Variants in CLPX observed in about 807,000 individuals in gnomAD.
CLPX encodes caseinolytic mitochondrial matrix peptidase chaperone subunit X.
CLPX carries 34 observed loss-of-function variants against 76.4 expected under a neutral mutation model. The observed-to-expected ratio is 0.45, with a 90% CI of 0.34 to 0.59. The LOEUF (loss-of-function observed/expected upper bound fraction) is 0.59, where lower values mean the gene tolerates loss of function less well. Among genes scored for constraint, CLPX ranks in the 20% least tolerant of loss-of-function variants. The pLI, the probability that CLPX is intolerant of heterozygous loss-of-function variation, is 0.01. For synonymous variants in CLPX, 248 were observed against 270.9 expected (o/e 0.92, Z 0.83); for missense variants, 613 against 757.0 (o/e 0.81, Z 2.23).
chr15:65,148,810 GA>G lies in CLPX; in HGVS notation c.*2012del, dbSNP rs1487384398. The G allele has an allele frequency of 2.0e-5, 3 of 150,612 alleles. No homozygotes were observed. The highest frequency in any genetic ancestry group is 4.4e-5 in the Non-Finnish European group (3 of 67,806). The allele number at this position is 150,612 out of a possible 1,614,324, so 9.3% of individuals were successfully genotyped here. ...AATGAGATTAAACTGAATGAATATA[GA>G]ACTTGTACCACCATTATAGAAGGAA... On this transcript the variant is annotated 3_prime_UTR_variant, in exon 14 of 14. Coordinates refer to ENST00000300107, the MANE Select transcript of CLPX (RefSeq NM_006660.5).
chr15:65,185,057 G>T lies in CLPX; in HGVS notation c.79+18C>A. The stretch of plus-strand genomic sequence containing the variant: ...CCCCCGACAGGCTGAGGGCTCAGGA[G>T]TGGCACTATTTCGTTACCTCTCTGC... On this transcript the variant is annotated intron_variant, in intron 1 of 13. Transcript: ENST00000300107. 2 of 1,560,902 alleles carry T rather than the reference G, an allele frequency of 1.3e-6. No homozygotes were observed. The highest frequency in any genetic ancestry group is 8.7e-7 in the Non-Finnish European group (1 of 1,152,026).
chr15:65,151,826 T>G (rs2087724635), intron 13 of CLPX, among the ~76,000 whole-genome samples: 1 of 152,178 alleles, frequency 6.6e-6, no homozygotes, highest in African/African-American at 2.4e-5. Context: ...AAACCTAGCT[T>G]TTGTGTAGGT....
chr15:65,161,499 T>G (rs1425190809), intron 6 of CLPX, among the ~76,000 whole-genome samples: 1 of 152,240 alleles, frequency 6.6e-6, no homozygotes, highest in East Asian at 1.9e-4. Flanking sequence ...TATTTGTTTC[T>G]AAGTCAATCT....
At position 65,185,075 on chromosome 15, in the gene CLPX, C is replaced by T; in HGVS notation, c.79G>A (p.Gly27Ser). The change falls in exon 1 of 14, where the codon GGT becomes AGT. Residue 27 changes from glycine to serine, a missense_variant and splice_region_variant. By Grantham distance (56) the Gly-to-Ser change is moderately conservative. Coordinates refer to ENST00000300107, the MANE Select transcript of CLPX (RefSeq NM_006660.5). Reference sequence around the variant, plus strand: ...CTCAGGAGTGGCACTATTTCGTTACCTCTCTGCGCGGAGGCGAGTGAGGAG... The same window carrying T: ...CTCAGGAGTGGCACTATTTCGTTACTTCTCTGCGCGGAGGCGAGTGAGGAG... ...ITSSLASAQRGISGGRIHMSV... is the reference protein window; with the variant it reads ...ITSSLASAQRSISGGRIHMSV... 6.4e-7 allele frequency: 1 copy of T among 1,574,792 alleles called. No homozygotes were observed. The highest frequency in any genetic ancestry group is 8.6e-7 in the Non-Finnish European group (1 of 1,160,824).
chr15:65,177,764 A>G (rs2088108082), intron 3 of CLPX, among the ~76,000 whole-genome samples: 1 of 152,160 alleles, frequency 6.6e-6, no homozygotes, highest in Non-Finnish European at 1.5e-5. Context: ...TCAGAGAGTT[A>G]CTGACACTAA....
At chr15:65,166,928 C>T (rs1373876705) in intron 3 of CLPX, 143 bp from the exon 4 acceptor site, 7 of 734,268 alleles carry the variant, frequency 9.5e-6, no homozygotes, top group Non-Finnish European at 1.1e-5. Flanking sequence ...CACAAACAGC[C>T]TCATTTATAT....
chr15:65,178,938 A>G lies in CLPX; in HGVS notation c.354T>C (p.Phe118=), dbSNP rs2140648956. 6.4e-7 allele frequency: 1 copy of G among 1,557,814 alleles called. No homozygotes were observed. Among genetic ancestry groups the G allele is most frequent in the Non-Finnish European group, 8.8e-7 (1 of 1,139,444 alleles). The part of the protein sequence containing the change: ...CGDLCTHVET[F]VSSTRFVKCE... ...AGTAGAAGATGTAATACTTACATAC[A>G]AAGGTCTCTACATGTGTGCACAAGT... is the stretch of plus-strand genomic sequence containing the variant. The change falls in exon 3 of 14, where the codon TTT becomes TTC. Residue 118 remains phenylalanine, a synonymous_variant. Transcript: ENST00000300107.
chr15:65,167,309 T>C (rs1030367753), intron 3 of CLPX, among the ~76,000 whole-genome samples: 1 of 152,138 alleles, frequency 6.6e-6, no homozygotes, highest in Non-Finnish European at 1.5e-5. Context: ...CACCTTGTTA[T>C]CTGCCCGTCT....
At chr15:65,155,297 G>A (rs535103569) in intron 10 of CLPX, among the ~76,000 whole-genome samples, 1 of 152,220 alleles carries the variant, frequency 6.6e-6, no homozygotes, top group East Asian at 1.9e-4. Flanking sequence ...TTGAACTCAG[G>A]TCTGTCTGCC....
At chr15:65,177,452 C>T (rs1414484306) in intron 3 of CLPX, among the ~76,000 whole-genome samples, 1 of 152,154 alleles carries the variant, frequency 6.6e-6, no homozygotes, top group Non-Finnish European at 1.5e-5. Flanking sequence ...TACTTTAAGT[C>T]TTTCCAGTAC....
At position 65,164,150 on chromosome 15, in the gene CLPX, T is replaced by A; in HGVS notation, c.552A>T (p.Ser184=). 1 of 1,612,624 alleles carries A rather than the reference T, an allele frequency of 6.2e-7. No homozygotes were observed. The highest frequency in any genetic ancestry group is 1.1e-5 in the South Asian group (1 of 90,726). The change falls in exon 5 of 14, where the codon TCA becomes TCT. Residue 184 remains serine (S), a synonymous_variant. Transcript: ENST00000300107. The part of the protein sequence containing the change: ...NYLDKYVVGQ[S]FAKKVLSVAV... ...CAACTGAAAGCACCTTCTTAGCAAA[T>A]GACTGGCCAACAACATACTTGTCGA... is the stretch of plus-strand genomic sequence containing the variant.
chr15:65,169,963 G>A (rs1034242260), intron 3 of CLPX, among the ~76,000 whole-genome samples: 1 of 151,896 alleles, frequency 6.6e-6, no homozygotes, highest in Admixed American at 6.6e-5. Context: ...GTTTGACCAT[G>A]TTGGTCAGGC....
chr15:65,166,481 C>A, intron 4 of CLPX, 150 bp downstream of exon 4: 1 of 786,460 alleles, frequency 1.3e-6, no homozygotes, highest in South Asian at 1.9e-5. Context: ...TTCCAAAAGG[C>A]AATAACAATT....
chr15:65,153,148 TAA>T (rs749248397), intron 12 of CLPX, among the ~76,000 whole-genome samples: 10 of 137,424 alleles, frequency 7.3e-5, no homozygotes, highest in Non-Finnish European at 6.3e-5. Flanking sequence ...CTACTGTGAC[TAA>T]AAAAAAAAAA....
At chr15:65,155,180 A>G (rs1380636906) in intron 10 of CLPX, 99 bp from the exon 11 acceptor site, 2 of 1,038,024 alleles carry the variant, frequency 1.9e-6, no homozygotes, top group Non-Finnish European at 2.8e-6. Context: ...TAACAACTCT[A>G]TGAAGAAGGT....
At chr15:65,155,546 T>A in intron 10 of CLPX, 146 bp downstream of exon 10, 1 of 695,014 alleles carries the variant, frequency 1.4e-6, no homozygotes, top group Non-Finnish European at 2.4e-6. Context: ...ACCGCACCCT[T>A]CCCTGTATAT....
intron 4 of CLPX, 133 bp from the exon 5 acceptor site, chr15:65,164,321 A>G: frequency 3.2e-6 from 2 of 625,992 alleles, no homozygotes; most frequent in Non-Finnish European, 5.4e-6. Context: ...ACAAAATGAC[A>G]ATACATTATA....
chr15:65,157,849 G>A lies in CLPX; in HGVS notation c.954C>T (p.Asp318=). ...ATCCAGCCTGAGTCAAAGTTGTACA[G>A]TCACAGATAGCAAAAGGGACATCAA... ...KCLDVPFAIC[D]CTTLTQAGYV... is the part of the protein sequence containing the mutation. The change falls in exon 8 of 14, where the codon GAC becomes GAT. Residue 318 remains aspartate, a synonymous_variant. Transcript: ENST00000300107. 6.2e-7 allele frequency: 1 copy of A among 1,613,482 alleles called. No homozygotes were observed. Among genetic ancestry groups the A allele is most frequent in the Non-Finnish European group, 8.5e-7 (1 of 1,179,724 alleles).
At chr15:65,152,338 T>G (rs1838082134) in intron 13 of CLPX, 92 bp downstream of exon 13, 1 of 464,318 alleles carries the variant, frequency 2.2e-6, no homozygotes, top group African/African-American at 2.0e-5. Flanking sequence ...ATAATAATTT[T>G]TATGTAATTT....
Sources: gnomAD v4.1 joint callset for allele counts (sites outside exome capture counted in the v4.1 genomes callset) on GRCh38, gnomAD v4.1.1 for gene constraint, MANE v1.5 for transcripts, NCBI Gene and HGNC (gene_info 2026-07-23, HGNC 2026-07-21) for gene names.